CDC73: variants seen among roughly 807,000 people sequenced by gnomAD.
CDC73 encodes parafibromin.
A neutral mutation model predicts 83.7 loss-of-function variants in CDC73; 21 were observed. The observed-to-expected ratio is 0.25, with a 90% confidence interval of 0.18 to 0.36. CDC73 has a LOEUF of 0.36. Ranked by LOEUF, CDC73 falls within the 10% of genes least tolerant of loss-of-function variation. The pLI is 1.00. For synonymous variants in CDC73, 224 were observed against 212.9 expected (o/e 1.05, Z -0.45); for missense variants, 342 against 653.3 (o/e 0.52, Z 5.19).
At chr1:193,185,167 A>G (rs1203199421) in intron 10 of CDC73, among the ~76,000 whole-genome samples, 1 of 152,084 alleles carries the variant, frequency 6.6e-6, no homozygotes, top group East Asian at 1.9e-4. Context: ...TTTTTGTATC[A>G]AAGTATTTCC....
chr1:193,217,976 G>T (rs1211114850), intron 13 of CDC73, among the ~76,000 whole-genome samples: 1 of 152,182 alleles, frequency 6.6e-6, no homozygotes, highest in Non-Finnish European at 1.5e-5. Flanking sequence ...TATCTTTGTA[G>T]ACAATATGAT....
intron 10 of CDC73, among the ~76,000 whole-genome samples, chr1:193,197,893 C>T (rs193179801): frequency 6.8e-6 from 1 of 146,648 alleles, no homozygotes; most frequent in Non-Finnish European, 1.5e-5. Flanking sequence ...CCACTGCACT[C>T]CAGCCTGGGC....
chr1:193,196,712 G>A (rs1461322900), intron 10 of CDC73, among the ~76,000 whole-genome samples: 2 of 152,042 alleles, frequency 1.3e-5, no homozygotes, highest in African/African-American at 4.8e-5. Context: ...TAATGCTATT[G>A]TAAGTGGAAT....
chr1:193,211,386 T>C (rs1237413735), intron 11 of CDC73, among the ~76,000 whole-genome samples: 2 of 152,236 alleles, frequency 1.3e-5, no homozygotes, highest in African/African-American at 2.4e-5. Context: ...ATTTTTATCG[T>C]AGATGTTAGC....
intron 11 of CDC73, among the ~76,000 whole-genome samples, chr1:193,204,456 AT>A (rs1677152428): frequency 6.6e-6 from 1 of 150,844 alleles, no homozygotes; most frequent in Non-Finnish European, 1.5e-5. Context: ...CGCCCGGCTA[AT>A]TTTTTGTATT....
intron 15 of CDC73, among the ~76,000 whole-genome samples, chr1:193,249,037 ATAT>A (rs913101410): frequency 8.0e-4 from 122 of 152,212 alleles, no homozygotes; most frequent in African/African-American, 2.8e-3. Flanking sequence ...ATGCTGTCAA[ATAT>A]TATCACATAC....
intron 10 of CDC73, among the ~76,000 whole-genome samples, chr1:193,156,652 C>T (rs916041841): frequency 5.3e-5 from 8 of 152,068 alleles, no homozygotes; most frequent in African/African-American, 1.9e-4. Context: ...TATAAAGCTT[C>T]CTTCATTCCC....
intron 8 of CDC73, among the ~76,000 whole-genome samples, chr1:193,148,723 C>T (rs1312173106): frequency 7.0e-6 from 1 of 142,802 alleles, no homozygotes; most frequent in Non-Finnish European, 1.5e-5. Context: ...TGGCTCACTG[C>T]AACCTCCGCC....
chr1:193,150,488 AC>A, intron 9 of CDC73, 106 bp downstream of exon 9: 1 of 773,288 alleles, frequency 1.3e-6, no homozygotes, highest in Non-Finnish European at 2.3e-6. Flanking sequence ...ATGTCTACAG[AC>A]CAGATCTTAC....
rs1320503693 is a variant in CDC73, at chr1:193,156,300, C to T, written c.972+3856C>T. Among the ~76,000 whole-genome samples the T allele has an allele frequency of 2.0e-5, 3 of 152,252 alleles. No homozygotes were observed. The East Asian group carries it at 5.8e-4, about 29-fold the overall frequency. On this transcript the variant is annotated intron_variant, in intron 10 of 16. Transcript: ENST00000367435. ...AACTGGAAGGGTTACAGACTCTAAC[C>T]TCTATTTGTTCTTAGTGAGTATCAT...
rs936071262 is a variant in CDC73 at position 193,233,219 on chromosome 1, T to C, written c.1316+65T>C. On this transcript the variant is annotated intron_variant, in intron 14 of 16. Transcript: ENST00000367435. ...GAACCCAAGAGAATGAATGTTGTTATTGCCGTTGATGACGTTGCTTTTTAA... is the reference window on the plus strand; with the variant it reads ...GAACCCAAGAGAATGAATGTTGTTACTGCCGTTGATGACGTTGCTTTTTAA... 5.2e-5 allele frequency: 74 copies of C among 1,434,808 alleles called. No homozygotes were observed. The African/African-American group carries it at 8.6e-4, about 17-fold the overall frequency. The allele number at this position is 1,434,808 out of a possible 1,614,324, so 88.9% of individuals were successfully genotyped here.
intron 3 of CDC73, among the ~76,000 whole-genome samples, chr1:193,130,609 T>C (rs1675677990): frequency 6.6e-6 from 1 of 152,252 alleles, no homozygotes; most frequent in African/African-American, 2.4e-5. Flanking sequence ...TACTGTCTAC[T>C]GCTTCATTTA....
intron 13 of CDC73, among the ~76,000 whole-genome samples, chr1:193,216,193 C>A (rs1417433688): frequency 6.6e-6 from 1 of 151,962 alleles, no homozygotes; most frequent in Non-Finnish European, 1.5e-5. Flanking sequence ...TAATAGACTG[C>A]TAGCTAGATT....
intron 10 of CDC73, among the ~76,000 whole-genome samples, chr1:193,155,344 T>G (rs995237768): frequency 1.3e-5 from 2 of 152,234 alleles, no homozygotes; most frequent in Non-Finnish European, 2.9e-5. Context: ...TCTGGTTAAC[T>G]TTTGACTTAG....
rs2102075754 is a variant in CDC73 at position 193,251,945 on chromosome 1, CTG to C, written c.*1235_*1236del. 4.4e-6 allele frequency: 1 copy of C among 229,486 alleles called. No homozygotes were observed. The highest frequency in any genetic ancestry group is 6.1e-5 in the East Asian group (1 of 16,262). The allele number at this position is 229,486 out of a possible 1,614,324, so 14.2% of individuals were successfully genotyped here. On this transcript the variant is annotated 3_prime_UTR_variant, in exon 17 of 17. Transcript: ENST00000367435. ...TCACAGTCTTATGTCATTTTTTTCT[CTG>C]TTTTTATTCCCAGCAATTTTCTCCT...
chr1:193,122,089 T>C lies in CDC73; in HGVS notation c.-112T>C. 9.7e-7 allele frequency: 1 copy of C among 1,027,816 alleles called. No homozygotes were observed. The highest frequency in any genetic ancestry group is 2.5e-5 in the East Asian group (1 of 39,966). The allele number at this position is 1,027,816 out of a possible 1,614,324, so 63.7% of individuals were successfully genotyped here. ...GGCTGTTAGTGCTGCTGCTGTTGGT[T>C]CGTCGCGGCGGCGAAGGAGGAGGAG... On this transcript the variant is annotated 5_prime_UTR_variant, in exon 1 of 17. Transcript: ENST00000367435.
At chr1:193,132,923 A>G (rs181029711) in intron 3 of CDC73, among the ~76,000 whole-genome samples, 1,413 of 138,562 alleles carry the variant, frequency 0.01, 10 homozygotes, top group Non-Finnish European at 0.016. Flanking sequence ...TTTTTTGAGA[A>G]GGAATCTTGC....
chr1:193,188,813 G>T (rs796673606), intron 10 of CDC73, among the ~76,000 whole-genome samples: 1 of 151,666 alleles, frequency 6.6e-6, no homozygotes, highest in Non-Finnish European at 1.5e-5. Context: ...GGACCCCCCC[G>T]CCCCGAACTG....
At position 193,135,589 on chromosome 1, in the gene CDC73, G is replaced by A. The variant is rs1291044007; in HGVS notation, c.423G>A (p.Glu141=). Residue 141 remains glutamate, a splice_region_variant and synonymous_variant, in exon 5 of 17, where the codon GAG becomes GAA. Coordinates refer to ENST00000367435, the MANE Select transcript of CDC73 (RefSeq NM_024529.5). ...CAGAAGCAAAGAAACCACGAATTGA[G>A]GTAAAGAAACTGTATTTTAAACAAT... ...VLAEAKKPRI[E]DEECVRLDKE... 2 of 1,605,566 alleles carry A rather than the reference G, an allele frequency of 1.2e-6. No homozygotes were observed. Among genetic ancestry groups the A allele is most frequent in the Non-Finnish European group, 8.5e-7 (1 of 1,172,674 alleles).
Sources: gnomAD v4.1 joint callset for allele counts (sites outside exome capture counted in the v4.1 genomes callset) on GRCh38, gnomAD v4.1.1 for gene constraint, MANE v1.5 for transcripts, NCBI Gene and HGNC (gene_info 2026-07-23, HGNC 2026-07-21) for gene names.